Variants in SPDYC observed in about 807,000 individuals in gnomAD.
The protein encoded by SPDYC is speedy protein C.
Under a neutral mutation model 33.9 loss-of-function variants are expected in SPDYC, and 25 were observed. The ratio of observed to expected loss-of-function variants is 0.74; its 90% CI spans 0.54 to 1.03. The LOEUF (loss-of-function observed/expected upper bound fraction) is 1.03, where lower values mean the gene tolerates loss of function less well. SPDYC is among the 50% of genes least tolerant of loss of function. SPDYC has a pLI of 0.00. For missense variants in SPDYC, 349 were observed against 382.9 expected, an observed-to-expected ratio of 0.91 and a Z score of 0.74; for synonymous variants, 133 against 140.2, an observed-to-expected ratio of 0.95 and a Z score of 0.36.
chr11:65,170,326 G>T, intron 1 of SPDYC, 65 bp downstream of exon 1: 2 of 1,481,460 alleles, frequency 1.4e-6, no homozygotes, highest in Non-Finnish European at 1.8e-6. Context: ...GCCCAGATTG[G>T]CCCTGGGGTG....
intron 1 of SPDYC, 83 bp from the exon 2 acceptor site, chr11:65,171,244 C>T (rs1388634800): frequency 8.9e-6 from 13 of 1,458,390 alleles, no homozygotes; most frequent in South Asian, 1.4e-5. Context: ...CACCCCTCCA[C>T]CGTCCTGGCC....
At chr11:65,171,192 A>G in intron 1 of SPDYC, 135 bp from the exon 2 acceptor site, 2 of 949,008 alleles carry the variant, frequency 2.1e-6, no homozygotes, top group Non-Finnish European at 1.5e-6. Context: ...CTCTTGTTGC[A>G]TCCCGGCTGC....
At chr11:65,172,971 G>A in exon 6 of SPDYC, 5 of 1,614,048 alleles carry the variant, frequency 3.1e-6, no homozygotes, top group South Asian at 1.1e-5. Context: ...TCATCGTCTT[G>A]CCTCCCCAGA....
Position 65,172,675 on chromosome 11 carries a change from T to A in SPDYC, c.517-9T>A, listed in dbSNP as rs1249538582. 1.3e-6 allele frequency: 2 copies of A among 1,591,834 alleles called. No individual in the cohort carries two copies. Among genetic ancestry groups the A allele is most frequent in the Admixed American group, 1.7e-5 (1 of 57,846 alleles). Reference sequence around the variant, plus strand: ...CCACCCCATTTACTGTCCACTCTGCTCCTCCCAGGTCATGGCAAAGGAGCC... The same window carrying A: ...CCACCCCATTTACTGTCCACTCTGCACCTCCCAGGTCATGGCAAAGGAGCC... On this transcript the variant is annotated splice_polypyrimidine_tract_variant and intron_variant, in intron 5 of 6. Transcript: ENST00000377185.
chr11:65,170,358 GC>G (rs1948418332), intron 1 of SPDYC, 97 bp downstream of exon 1: 12 of 1,279,896 alleles, frequency 9.4e-6, no homozygotes, highest in South Asian at 7.5e-5. Context: ...GTTCTCCTCG[GC>G]CCCGTGGTTG....
chr11:65,172,193 A>C, intron 3 of SPDYC, 53 bp from the exon 4 acceptor site: 1 of 1,604,008 alleles, frequency 6.2e-7, no homozygotes, highest in Non-Finnish European at 8.5e-7. Context: ...CCTGGGTGCA[A>C]GCCCCTCCTC....
chr11:65,172,746 G>A, exon 6 of SPDYC: 1 of 1,613,818 alleles, frequency 6.2e-7, no homozygotes, highest in Non-Finnish European at 8.5e-7. Context: ...ACCATGGTGG[G>A]GTTCAGAGGG....
rs977625334 is a variant in SPDYC, at chr11:65,172,469, G to A, written c.380G>A (p.Gly127Asp). ...AACGACATGGAGGAGGACCTGGAGG[G>A]CCCCAAATGTGAGATTTTTCCATGG... Residue 127 changes from glycine (G) to aspartate (D), a missense_variant, in exon 5 of 7, where the codon GGC becomes GAC. Physicochemically the swap from Gly to Asp is moderately conservative, Grantham distance 94. Transcript: ENST00000377185. 11 of 1,584,946 alleles carry A rather than the reference G, an allele frequency of 6.9e-6. No homozygotes were observed. In the African/African-American group the frequency reaches 9.5e-5, roughly 14 times the overall value.
Position 65,172,614 on chromosome 11 carries a change from G to A in SPDYC, c.516+9G>A, listed in dbSNP as rs1163432020. 1 of 1,552,772 alleles carries A rather than the reference G, an allele frequency of 6.4e-7. No individual in the cohort carries two copies. The highest frequency in any genetic ancestry group is 8.7e-7 in the Non-Finnish European group (1 of 1,148,958). On this transcript the variant is annotated intron_variant, in intron 5 of 6. Transcript: ENST00000377185. Reference sequence around the variant, plus strand: ...GCCAGTGCTGTGAGGAGGTGAGGCTGGGAGGCAACCTGGGGTGTGGGGAAG... The same window carrying A: ...GCCAGTGCTGTGAGGAGGTGAGGCTAGGAGGCAACCTGGGGTGTGGGGAAG...
At chr11:65,171,551 A>G in intron 2 of SPDYC, 52 bp downstream of exon 2, 12 of 1,458,564 alleles carry the variant, frequency 8.2e-6, no homozygotes, top group Non-Finnish European at 1.1e-5. Flanking sequence ...GTGTGAAAGC[A>G]GATGTGAAGT....
At chr11:65,170,301 C>T (rs1205685086) in intron 1 of SPDYC, 40 bp downstream of exon 1, 3 of 1,552,360 alleles carry the variant, frequency 1.9e-6, no homozygotes, top group Non-Finnish European at 2.6e-6. Flanking sequence ...TGCTTGCGGG[C>T]GCCTAGATGG....
rs1042361757 is a variant in SPDYC at position 65,172,346 on chromosome 11, C to T, written c.344+15C>T. On this transcript the variant is annotated intron_variant, in intron 4 of 6. Coordinates refer to ENST00000377185, the Ensembl canonical transcript of SPDYC. ...TTCTTGGCCCTGTGAGTGGTGGGGG[C>T]AGGCAGTGGAGGCATTTGCTGGAGG... 4 of 1,614,088 alleles carry T rather than the reference C, an allele frequency of 2.5e-6. No individual in the cohort carries two copies. The Admixed American group carries it at 6.7e-5, about 27-fold the overall frequency.
chr11:65,172,539 C>T (rs759480069), exon 5 of SPDYC: 2 of 1,573,722 alleles, frequency 1.3e-6, no homozygotes, highest in Admixed American at 3.6e-5. Flanking sequence ...AATTCCTGCA[C>T]CAGAGGGATA....
At chr11:65,171,348 C>A (rs1439275558) in exon 2 of SPDYC, 1 of 1,610,796 alleles carries the variant, frequency 6.2e-7, no homozygotes, top group Admixed American at 1.7e-5. Context: ...CCATCTCCAT[C>A]TCCTATGAGA....
At chr11:65,171,459 T>C in exon 2 of SPDYC, 1 of 1,595,490 alleles carries the variant, frequency 6.3e-7, no homozygotes. Context: ...TCCTCCGTTT[T>C]CGCCAGCACC....
exon 6 of SPDYC, chr11:65,172,953 G>A: frequency 6.2e-7 from 1 of 1,614,104 alleles, no homozygotes; most frequent in Non-Finnish European, 8.5e-7. Context: ...CCTGGGGTGG[G>A]GACTTTCTCA....
exon 5 of SPDYC, chr11:65,172,471 C>T (rs371503457): frequency 6.3e-7 from 1 of 1,584,442 alleles, no homozygotes; most frequent in Non-Finnish European, 8.6e-7. Flanking sequence ...CCTGGAGGGC[C>T]CCAAATGTGA....
chr11:65,172,530 A>G (rs1948448299), exon 5 of SPDYC: 4 of 1,576,366 alleles, frequency 2.5e-6, no homozygotes. Context: ...GAGTGGGGAA[A>G]TTCCTGCACC....
Position 65,172,096 on chromosome 11 carries a change from T to G in SPDYC, c.258+95T>G, listed in dbSNP as rs901467826. The G allele has an allele frequency of 8.0e-6, 12 of 1,499,724 alleles. No homozygotes were observed. The African/African-American group carries it at 1.5e-4, about 19-fold the overall frequency. The allele number at this position is 1,499,724 out of a possible 1,614,324, so 92.9% of individuals were successfully genotyped here. A position where few individuals can be genotyped will look rare whatever the true frequency, so the allele number is the denominator to read the frequency against. ...GGTAGGGAGAGCCACTCACCTTCCA[T>G]CCTTACCCCCTCATCTTTGCACACC... On this transcript the variant is annotated intron_variant, in intron 3 of 6. Coordinates refer to ENST00000377185, the Ensembl canonical transcript of SPDYC.
Sources: allele counts gnomAD v4.1 joint callset, GRCh38; gene constraint gnomAD v4.1.1; transcripts MANE v1.5; gene names NCBI Gene and HGNC (gene_info 2026-07-23, HGNC 2026-07-21).